CORO2B: variants seen among roughly 807,000 people sequenced by gnomAD.
CORO2B encodes the protein coronin 2B.
In CORO2B, 26 loss-of-function variants were observed where a neutral mutation model predicts 58.8. The ratio of observed to expected loss-of-function variants is 0.44; its 90% CI spans 0.32 to 0.61. The LOEUF is 0.61. Among genes scored for constraint, CORO2B ranks in the 20% least tolerant of loss-of-function variants. CORO2B has a pLI of 0.04. For synonymous variants in CORO2B, 242 were observed against 253.8 expected, an observed-to-expected ratio of 0.95 and a Z score of 0.44; for missense variants, 460 against 645.1, an observed-to-expected ratio of 0.71 and a Z score of 3.11.
In CORO2B at chr15:68,726,486, C is replaced by A; in HGVS notation, c.*512C>A. On this transcript the variant is annotated 3_prime_UTR_variant, in exon 12 of 12. Transcript: ENST00000261861. Reference sequence around the variant, plus strand: ...CTCTTCCCTCAGCAGCCCCGGAAGCCTGCCTCACCCGACGAGGACAGCGAG... The same window carrying A: ...CTCTTCCCTCAGCAGCCCCGGAAGCATGCCTCACCCGACGAGGACAGCGAG... 6.0e-6 allele frequency: 1 copy of A among 167,132 alleles called. No homozygotes were observed. The allele number at this position is 167,132 out of a possible 1,614,324, so 10.4% of individuals were successfully genotyped here.
intron 1 of CORO2B, among the ~76,000 whole-genome samples, chr15:68,633,543 A>ACACT (rs1555412742): frequency 6.6e-5 from 10 of 151,394 alleles, no homozygotes; most frequent in African/African-American, 2.2e-4. Context: ...ACACACACAC[A>ACACT]CACTCACTCC....
intron 11 of CORO2B, among the ~76,000 whole-genome samples, chr15:68,725,259 C>T (rs575644703): frequency 1.3e-5 from 2 of 152,164 alleles, no homozygotes; most frequent in African/African-American, 2.4e-5. Context: ...ATCCCAGCTA[C>T]TCGGGAGGCT....
intron 1 of CORO2B, among the ~76,000 whole-genome samples, chr15:68,588,988 C>T (rs570873295): frequency 4.6e-5 from 7 of 152,328 alleles, no homozygotes; most frequent in African/African-American, 1.7e-4. Flanking sequence ...GAGTGGCCAA[C>T]TGATAACTTT....
At chr15:68,682,963 C>T (rs34341630) in intron 2 of CORO2B, among the ~76,000 whole-genome samples, 27,374 of 152,194 alleles carry the variant, frequency 0.18, 3,039 homozygotes, top group Non-Finnish European at 0.24. Context: ...TTTCCCTCCT[C>T]GTTCCTTGGG....
chr15:68,580,674 T>C (rs1276658696), intron 1 of CORO2B, among the ~76,000 whole-genome samples: 2 of 152,022 alleles, frequency 1.3e-5, no homozygotes, highest in Non-Finnish European at 2.9e-5. Context: ...GGTTTTGAAA[T>C]GATGCAAATG....
At chr15:68,655,722 G>A (rs530360985) in intron 2 of CORO2B, among the ~76,000 whole-genome samples, 31 of 152,164 alleles carry the variant, frequency 2.0e-4, no homozygotes, top group Non-Finnish European at 4.4e-4. Context: ...AGACCCAAAG[G>A]AATGTGTTGG....
At chr15:68,670,009 A>G (rs1178778801) in intron 2 of CORO2B, among the ~76,000 whole-genome samples, 1 of 151,254 alleles carries the variant, frequency 6.6e-6, no homozygotes, top group African/African-American at 2.4e-5. Flanking sequence ...GTGAGCCAAG[A>G]TCATGCCACT....
chr15:68,705,618 C>T (rs1207967536), intron 3 of CORO2B, among the ~76,000 whole-genome samples: 1 of 152,096 alleles, frequency 6.6e-6, no homozygotes, highest in Non-Finnish European at 1.5e-5. Context: ...TTGGTGAAAA[C>T]AGCTCTCTTG....
intron 1 of CORO2B, among the ~76,000 whole-genome samples, chr15:68,616,300 C>T (rs1452444867): frequency 6.6e-6 from 1 of 152,208 alleles, no homozygotes; most frequent in African/African-American, 2.4e-5. Flanking sequence ...GGTTAAGAAT[C>T]TTGGGCAGGA....
At chr15:68,529,070 C>A in the CORO2B span, among the ~76,000 whole-genome samples, 1 of 152,148 alleles carries the variant, frequency 6.6e-6, no homozygotes, top group Admixed American at 6.6e-5. Flanking sequence ...TGATCTCTGA[C>A]ACTCCAATGT....
At chr15:68,662,288 A>T (rs1038972002) in intron 2 of CORO2B, among the ~76,000 whole-genome samples, 2 of 152,212 alleles carry the variant, frequency 1.3e-5, no homozygotes, top group East Asian at 3.8e-4. Flanking sequence ...TCATATTAGA[A>T]TCTATAGGTT....
At chr15:68,717,644 A>G (rs112897094) in intron 8 of CORO2B, among the ~76,000 whole-genome samples, 132 of 151,582 alleles carry the variant, frequency 8.7e-4, no homozygotes, top group Middle Eastern at 3.4e-3. Flanking sequence ...TAGACTCAGA[A>G]AAGTTAAGCA....
chr15:68,542,006 A>G, the CORO2B span, among the ~76,000 whole-genome samples: 1 of 152,150 alleles, frequency 6.6e-6, no homozygotes, highest in Non-Finnish European at 1.5e-5. Context: ...AACTCTCTCA[A>G]GGCAGCAAGC....
intron 1 of CORO2B, among the ~76,000 whole-genome samples, chr15:68,619,506 A>G (rs1216422807): frequency 6.6e-6 from 1 of 152,142 alleles, no homozygotes; most frequent in Non-Finnish European, 1.5e-5. Flanking sequence ...CGTGCATCAC[A>G]TGGATGTAAA....
chr15:68,703,299 C>T (rs1404258027), intron 3 of CORO2B, among the ~76,000 whole-genome samples: 4 of 149,828 alleles, frequency 2.7e-5, no homozygotes, highest in Admixed American at 6.7e-5. Context: ...TACAGGCACG[C>T]GCTACCACGC....
the CORO2B span, among the ~76,000 whole-genome samples, chr15:68,541,818 G>A: frequency 6.6e-6 from 1 of 152,304 alleles, no homozygotes; most frequent in East Asian, 1.9e-4. Flanking sequence ...CTAAATGCCT[G>A]AGGGAGACCC....
At chr15:68,573,467 C>T in the CORO2B span, among the ~76,000 whole-genome samples, 2 of 152,064 alleles carry the variant, frequency 1.3e-5, no homozygotes, top group Non-Finnish European at 2.9e-5. Context: ...AGAGGTGCGC[C>T]TCTGCCAGGC....
chr15:68,706,365 G>C (rs1190727819), intron 3 of CORO2B, among the ~76,000 whole-genome samples: 1 of 150,498 alleles, frequency 6.6e-6, no homozygotes, highest in Non-Finnish European at 1.5e-5. Context: ...CTTTCCAACA[G>C]CTCTGTGCCC....
chr15:68,611,971 A>C (rs573803949), intron 1 of CORO2B, among the ~76,000 whole-genome samples: 55 of 152,124 alleles, frequency 3.6e-4, no homozygotes, highest in African/African-American at 1.3e-3. Flanking sequence ...GGGTCTTGCT[A>C]TGTTGCCCAG....
Sources: allele counts gnomAD v4.1 joint callset (sites outside exome capture counted in the v4.1 genomes callset), GRCh38; gene constraint gnomAD v4.1.1; transcripts MANE v1.5; gene names NCBI Gene and HGNC (gene_info 2026-07-23, HGNC 2026-07-21).